SPARCL1: variants seen among roughly 807,000 people sequenced by gnomAD.
SPARCL1 encodes SPARC-like protein 1.
Under a neutral mutation model 67.1 loss-of-function variants are expected in SPARCL1, and 52 were observed. That is an observed-to-expected ratio of 0.78 (90% CI 0.62 to 0.98). The LOEUF is 0.98. Ranked by LOEUF, SPARCL1 falls within the 50% of genes least tolerant of loss-of-function variation. The probability of loss-of-function intolerance (pLI) is 0.00; values close to 1 mark genes in which losing one functional copy is unlikely to be tolerated. For missense variants in SPARCL1, 717 were observed against 782.4 expected (o/e 0.92, Z 1.00); for synonymous variants, 226 against 267.8 (o/e 0.84, Z 1.52).
At chr4:87,476,032 A>G (rs192223676) in intron 10 of SPARCL1, among the ~76,000 whole-genome samples, 5 of 152,330 alleles carry the variant, frequency 3.3e-5, no homozygotes, top group South Asian at 4.1e-4. Flanking sequence ...GGAGTGGTAG[A>G]GATAATGGCC....
At chr4:87,525,595 C>T (rs1238833330) in intron 1 of SPARCL1, among the ~76,000 whole-genome samples, 2 of 152,126 alleles carry the variant, frequency 1.3e-5, no homozygotes, top group Non-Finnish European at 2.9e-5. Flanking sequence ...GTTGTTTTTC[C>T]CCTGTATGCC....
At chr4:87,518,459 T>A (rs1725671593) in intron 1 of SPARCL1, among the ~76,000 whole-genome samples, 1 of 152,226 alleles carries the variant, frequency 6.6e-6, no homozygotes, top group Non-Finnish European at 1.5e-5. Flanking sequence ...TTTCAAAGTA[T>A]AATAAAACAT....
At chr4:87,487,189 G>A (rs1047040644) in intron 7 of SPARCL1, among the ~76,000 whole-genome samples, 1 of 151,798 alleles carries the variant, frequency 6.6e-6, no homozygotes, top group African/African-American at 2.4e-5. Context: ...TCATAGTGTC[G>A]ATGGTCTTTA....
intron 1 of SPARCL1, among the ~76,000 whole-genome samples, chr4:87,526,643 G>A (rs1194913532): frequency 6.6e-6 from 1 of 152,206 alleles, no homozygotes; most frequent in Non-Finnish European, 1.5e-5. Context: ...GGACTCTGAA[G>A]CCCATGCTCT....
At chr4:87,475,047 A>T (rs1723533302) in intron 10 of SPARCL1, among the ~76,000 whole-genome samples, 1 of 152,192 alleles carries the variant, frequency 6.6e-6, no homozygotes, top group Admixed American at 6.5e-5. Flanking sequence ...TGGCCTGTAA[A>T]GATTTCTTGA....
intron 1 of SPARCL1, among the ~76,000 whole-genome samples, chr4:87,515,580 G>A (rs1254287605): frequency 6.6e-6 from 1 of 152,146 alleles, no homozygotes; most frequent in Non-Finnish European, 1.5e-5. Context: ...ATAGGTAACT[G>A]GAAGGAGAGC....
intron 2 of SPARCL1, among the ~76,000 whole-genome samples, chr4:87,498,322 A>C (rs958497495): frequency 2.0e-5 from 3 of 152,198 alleles, no homozygotes; most frequent in Non-Finnish European, 4.4e-5. Context: ...TTGCTGACAC[A>C]TTTGTCAACC....
At chr4:87,523,207 C>A (rs1725897057) in intron 1 of SPARCL1, among the ~76,000 whole-genome samples, 2 of 151,200 alleles carry the variant, frequency 1.3e-5, no homozygotes, top group Admixed American at 6.6e-5. Context: ...GTTGCAGGGA[C>A]CCAAGGTCAC....
chr4:87,517,647 ATTAG>A (rs1356337744), intron 1 of SPARCL1, among the ~76,000 whole-genome samples: 1 of 151,994 alleles, frequency 6.6e-6, no homozygotes, highest in Non-Finnish European at 1.5e-5. Context: ...AATTTCCCTT[ATTAG>A]TTAAACTCTA....
chr4:87,482,647 G>A (rs1723880880), intron 7 of SPARCL1, 87 bp from the exon 8 acceptor site: 2 of 1,454,994 alleles, frequency 1.4e-6, no homozygotes, highest in Admixed American at 1.8e-5. Flanking sequence ...AACGACTTCT[G>A]GCAACTGACA....
chr4:87,490,976 A>G, intron 5 of SPARCL1, 98 bp from the exon 6 acceptor site: 2 of 754,288 alleles, frequency 2.7e-6, no homozygotes, highest in Non-Finnish European at 4.2e-6. Context: ...ATGAAGGGGA[A>G]ATTTTGAAGT....
intron 10 of SPARCL1, among the ~76,000 whole-genome samples, chr4:87,475,756 G>T (rs1174967829): frequency 1.3e-5 from 2 of 152,138 alleles, no homozygotes; most frequent in African/African-American, 4.8e-5. Context: ...TGGTGAAGCT[G>T]CAGAGAAAAA....
At chr4:87,522,091 T>C (rs1244928060) in intron 1 of SPARCL1, among the ~76,000 whole-genome samples, 1 of 152,226 alleles carries the variant, frequency 6.6e-6, no homozygotes, top group African/African-American at 2.4e-5. Context: ...TTAACACTGA[T>C]GCTTTAGAGC....
In SPARCL1 at chr4:87,494,596, AGCCTT is replaced by A. The variant is rs1420079556; in HGVS notation, c.202-3_203del. The A allele has an allele frequency of 6.4e-7, 1 of 1,562,134 alleles. No individual in the cohort carries two copies. Among genetic ancestry groups the A allele is most frequent in the Admixed American group, 2.1e-5 (1 of 47,598 alleles). On this transcript the variant is annotated splice_acceptor_variant and splice_polypyrimidine_tract_variant and coding_sequence_variant and intron_variant, in exon 4 of 11. Transcript: ENST00000282470. LOFTEE classifies it high-confidence loss of function. ...TTGACTTTAGTACTGATGATTTTTC[AGCCTT>A]AAAAGAAAAAAAAGTTCATTCTTCA... is the stretch of plus-strand genomic sequence containing the variant.
intron 7 of SPARCL1, among the ~76,000 whole-genome samples, chr4:87,486,045 T>C (rs1322038564): frequency 6.6e-6 from 1 of 152,098 alleles, no homozygotes; most frequent in African/African-American, 2.4e-5. Context: ...TTTTGAAGGG[T>C]TTTTCGTGTC....
chr4:87,505,724 G>GGTTTTTTTTT (rs55992030), intron 1 of SPARCL1, among the ~76,000 whole-genome samples: 2 of 141,112 alleles, frequency 1.4e-5, no homozygotes, highest in African/African-American at 2.6e-5. Context: ...TCAGCTAATT[G>GGTTTTTTTTT]TTTTTTTTTT....
chr4:87,511,367 G>A (rs1725346708), intron 1 of SPARCL1, among the ~76,000 whole-genome samples: 1 of 152,220 alleles, frequency 6.6e-6, no homozygotes, highest in Admixed American at 6.5e-5. Flanking sequence ...ATTATAGGAG[G>A]AAGGTTTGGT....
chr4:87,495,717 G>A (rs184489156), intron 2 of SPARCL1, among the ~76,000 whole-genome samples: 1 of 152,202 alleles, frequency 6.6e-6, no homozygotes, highest in East Asian at 1.9e-4. Context: ...TGAGGTCAAG[G>A]GCAGGAGTTC....
chr4:87,475,013 A>C (rs553565755), intron 10 of SPARCL1, among the ~76,000 whole-genome samples: 5 of 152,290 alleles, frequency 3.3e-5, no homozygotes, highest in Admixed American at 2.6e-4. Flanking sequence ...AAGTGCTGGG[A>C]TTACAGGCGT....
Sources: gnomAD v4.1 joint callset for allele counts (sites outside exome capture counted in the v4.1 genomes callset) on GRCh38, gnomAD v4.1.1 for gene constraint, MANE v1.5 for transcripts, NCBI Gene and HGNC (gene_info 2026-07-23, HGNC 2026-07-21) for gene names.